The following NTM variants were observed in gnomAD, a reference collection of about 807,000 sequenced individuals.
NTM encodes the protein IgLON family member 2.
NTM carries 13 observed loss-of-function variants against 42.1 expected under a neutral mutation model. The observed-to-expected ratio is 0.31, with a 90% CI of 0.20 to 0.49. The LOEUF is 0.49. Among genes scored for constraint, NTM ranks in the 20% least tolerant of loss-of-function variants. NTM has a pLI of 0.99. For missense variants in NTM, 373 were observed against 452.8 expected (o/e 0.82, Z 1.60); for synonymous variants, 187 against 179.2 (o/e 1.04, Z -0.35).
intron 1 of NTM, among the ~76,000 whole-genome samples, chr11:131,433,812 A>T (rs1368789625): frequency 6.6e-6 from 1 of 152,210 alleles, no homozygotes; most frequent in African/African-American, 2.4e-5. Context: ...TTTTTAAAAA[A>T]TTATACTTTA....
intron 1 of NTM, among the ~76,000 whole-genome samples, chr11:131,412,898 A>T (rs1946573064): frequency 6.6e-6 from 1 of 152,168 alleles, no homozygotes; most frequent in Non-Finnish European, 1.5e-5. Flanking sequence ...AGAAACCTAC[A>T]CTAGGAGAAC....
chr11:132,217,358 CTGTGTG>C lies in NTM; in HGVS notation c.526+5239_526+5244del, dbSNP rs375759515. ...CCTCTTTCTCTCTCTCTCTCTCTTT[CTGTGTG>C]TGTGTGTGTGTGTGTGTGTGTGTGT... On this transcript the variant is annotated intron_variant, in intron 4 of 8. Transcript: ENST00000683400. Among the ~76,000 whole-genome samples the C allele has an allele frequency of 4.8e-3, 691 of 142,744 alleles. 4 individuals carry two copies. Among genetic ancestry groups the C allele is most frequent in the African/African-American group, 0.017 (640 of 38,322 alleles). 93.6% of individuals were successfully genotyped at this position (142,744 alleles called of 152,430 possible).
Position 131,803,148 on chromosome 11 carries a change from G to A in NTM, c.83-108416G>A, listed in dbSNP as rs117615636. ...GGAGGTCATCCTCATTCAATTTGTG[G>A]GATGTTTTATTCCTTTCACTGACAA... is the stretch of plus-strand genomic sequence containing the variant. On this transcript the variant is annotated intron_variant, in intron 1 of 8. Coordinates refer to ENST00000683400, the MANE Select transcript of NTM (RefSeq NM_001352005.2). Among the ~76,000 whole-genome samples the A allele has an allele frequency of 7.3e-3, 1,112 of 152,222 alleles. 10 individuals carry two copies. Among genetic ancestry groups the A allele is most frequent in the Middle Eastern group, 0.01 (3 of 294 alleles).
chr11:131,533,339 T>C (rs936526100), intron 1 of NTM, among the ~76,000 whole-genome samples: 47 of 152,216 alleles, frequency 3.1e-4, no homozygotes, highest in African/African-American at 1.0e-3. Context: ...GAGCGTGATT[T>C]ACACCCTGAC....
intron 1 of NTM, among the ~76,000 whole-genome samples, chr11:131,414,938 T>TAAGCCCC (rs1946791327): frequency 6.6e-6 from 1 of 152,184 alleles, no homozygotes; most frequent in African/African-American, 2.4e-5. Context: ...CCCTAAGCCC[T>TAAGCCCC]AAGCCCCAAA....
chr11:131,875,570 T>C (rs1419231304), intron 1 of NTM, among the ~76,000 whole-genome samples: 4 of 152,232 alleles, frequency 2.6e-5, no homozygotes, highest in Non-Finnish European at 1.5e-5. Context: ...AAGAAAGCTA[T>C]ACCCAAGGAA....
At chr11:132,126,401 C>A (rs2065844706) in intron 2 of NTM, among the ~76,000 whole-genome samples, 1 of 152,096 alleles carries the variant, frequency 6.6e-6, no homozygotes, top group Admixed American at 6.5e-5. Context: ...CCTTCCATCA[C>A]CCCCTTCTTT....
At chr11:132,182,754 T>G (rs1372218521) in intron 3 of NTM, among the ~76,000 whole-genome samples, 1 of 152,186 alleles carries the variant, frequency 6.6e-6, no homozygotes, top group Non-Finnish European at 1.5e-5. Context: ...TCCTATGGAA[T>G]AAAATCCAAA....
At chr11:131,689,734 C>T (rs968523061) in intron 1 of NTM, among the ~76,000 whole-genome samples, 6 of 152,174 alleles carry the variant, frequency 3.9e-5, no homozygotes, top group Admixed American at 6.5e-5. Flanking sequence ...TCCCATACCG[C>T]AGGCTTGGAC....
At chr11:132,266,607 A>C (rs1417596008) in intron 4 of NTM, among the ~76,000 whole-genome samples, 1 of 152,256 alleles carries the variant, frequency 6.6e-6, no homozygotes, top group Non-Finnish European at 1.5e-5. Flanking sequence ...AGAGAACTCA[A>C]GAGCTAGAAG....
chr11:132,068,182 T>C (rs2056809728), intron 2 of NTM, among the ~76,000 whole-genome samples: 1 of 152,226 alleles, frequency 6.6e-6, no homozygotes, highest in Non-Finnish European at 1.5e-5. Context: ...GATCTTCTAA[T>C]TTTAGCATAT....
chr11:131,821,200 C>T (rs775634195), intron 1 of NTM, among the ~76,000 whole-genome samples: 1 of 152,174 alleles, frequency 6.6e-6, no homozygotes, highest in Non-Finnish European at 1.5e-5. Flanking sequence ...ATCCCAGGTA[C>T]CTAAGCTGTC....
At chr11:131,601,837 A>G (rs1352139579) in intron 1 of NTM, among the ~76,000 whole-genome samples, 1 of 152,208 alleles carries the variant, frequency 6.6e-6, no homozygotes, top group Non-Finnish European at 1.5e-5. Context: ...ATTTACTGAG[A>G]ACTGCACATG....
At chr11:131,776,685 A>G (rs1330723546) in intron 1 of NTM, among the ~76,000 whole-genome samples, 1 of 152,218 alleles carries the variant, frequency 6.6e-6, no homozygotes, top group African/African-American at 2.4e-5. Context: ...GAATGGCACA[A>G]CAAAACAAAT....
At chr11:132,049,356 T>G (rs1488961082) in intron 2 of NTM, among the ~76,000 whole-genome samples, 2 of 152,154 alleles carry the variant, frequency 1.3e-5, no homozygotes, top group Non-Finnish European at 2.9e-5. Context: ...CATTCCCCCT[T>G]CATGCTATGG....
intron 2 of NTM, among the ~76,000 whole-genome samples, chr11:131,992,791 G>T (rs575401444): frequency 4.6e-5 from 7 of 152,256 alleles, no homozygotes; most frequent in Admixed American, 1.3e-4. Flanking sequence ...TGTAACTATG[G>T]CCAGGGTGTG....
chr11:131,825,661 A>T (rs2042042222), intron 1 of NTM, among the ~76,000 whole-genome samples: 2 of 152,210 alleles, frequency 1.3e-5, no homozygotes, highest in Non-Finnish European at 2.9e-5. Context: ...ATGATATACC[A>T]GGATGGAAAA....
At chr11:132,201,870 C>T (rs561377062) in intron 3 of NTM, among the ~76,000 whole-genome samples, 3 of 152,278 alleles carry the variant, frequency 2.0e-5, no homozygotes, top group Admixed American at 6.5e-5. Flanking sequence ...CTTTCTAGCT[C>T]AGTGGCTTCG....
At chr11:132,094,439 C>G (rs1289938875) in intron 2 of NTM, among the ~76,000 whole-genome samples, 1 of 152,160 alleles carries the variant, frequency 6.6e-6, no homozygotes, top group East Asian at 1.9e-4. Flanking sequence ...GGGTGCAGCA[C>G]TTCCTGTCTG....
Sources: allele counts gnomAD v4.1 joint callset (sites outside exome capture counted in the v4.1 genomes callset), GRCh38; gene constraint gnomAD v4.1.1; transcripts MANE v1.5; gene names NCBI Gene and HGNC (gene_info 2026-07-23, HGNC 2026-07-21).